The following UNC13C variants were observed in gnomAD, a reference collection of about 807,000 sequenced individuals.
UNC13C encodes the protein unc-13 homolog C, also known as protein unc-13 homolog C.
In UNC13C, 174 loss-of-function variants were observed where a neutral mutation model predicts 245.4. That is an observed-to-expected ratio of 0.71 (90% CI 0.63 to 0.80). The LOEUF (loss-of-function observed/expected upper bound fraction) is 0.80. Among genes scored for constraint, UNC13C ranks in the 30% least tolerant of loss-of-function variants. The pLI, the probability that UNC13C is intolerant of heterozygous loss-of-function variation, is 0.00. For missense variants in UNC13C, 2,829 were observed against 2,602.9 expected (o/e 1.09, Z -1.89); for synonymous variants, 992 against 895.1 (o/e 1.11, Z -1.93).
intron 19 of UNC13C, among the ~76,000 whole-genome samples, chr15:54,463,766 CA>C (rs1892012042): frequency 1.3e-5 from 2 of 152,084 alleles, no homozygotes. Flanking sequence ...ATTCCGGACA[CA>C]AAATGAAAAC....
At chr15:54,471,498 T>C (rs1195904869) in intron 19 of UNC13C, among the ~76,000 whole-genome samples, 1 of 151,600 alleles carries the variant, frequency 6.6e-6, no homozygotes, top group Admixed American at 6.6e-5. Flanking sequence ...TTGTCTGAAA[T>C]AAGTATAGAT....
intron 2 of UNC13C, among the ~76,000 whole-genome samples, chr15:54,093,809 T>C (rs1402032570): frequency 2.6e-5 from 4 of 152,180 alleles, no homozygotes; most frequent in Non-Finnish European, 5.9e-5. Flanking sequence ...CACCTGAAAA[T>C]ATGACAGCAT....
chr15:54,326,168 G>A (rs112195961), intron 14 of UNC13C, among the ~76,000 whole-genome samples: 2 of 152,008 alleles, frequency 1.3e-5, no homozygotes, highest in African/African-American at 4.8e-5. Context: ...GAAGTGAAAA[G>A]TTGGGGTAGT....
At chr15:54,413,705 A>C (rs1324451061) in intron 18 of UNC13C, among the ~76,000 whole-genome samples, 1 of 152,154 alleles carries the variant, frequency 6.6e-6, no homozygotes, top group Non-Finnish European at 1.5e-5. Context: ...ATTTTGATGA[A>C]AATATGGACT....
intron 30 of UNC13C, among the ~76,000 whole-genome samples, chr15:54,572,011 C>T (rs1035567316): frequency 1.3e-5 from 2 of 151,558 alleles, no homozygotes; most frequent in Admixed American, 1.3e-4. Context: ...TTTTTCTTTT[C>T]TCACCTCCTG....
chr15:54,473,203 T>A (rs1041821701), intron 19 of UNC13C, among the ~76,000 whole-genome samples: 1 of 133,246 alleles, frequency 7.5e-6, no homozygotes, highest in Admixed American at 8.1e-5. Context: ...TTTTATTGAT[T>A]ATTTATTTTA....
Position 54,013,243 on chromosome 15 carries a change from G to A in UNC13C, c.340G>A (p.Glu114Lys), listed in dbSNP as rs1265463980. Reference protein sequence around the residue: ...KNAKVTNSDNEDLLQELSSIE... With the variant: ...KNAKVTNSDNKDLLQELSSIE... ...TGCTAAAGTAACCAACAGTGATAAT[G>A]AGGATCTGCTTCAAGAGCTCTCTTC... The change falls in exon 2 of 33, where the codon GAG becomes AAG. Residue 114 changes from glutamate to lysine, a missense_variant. Physicochemically the swap from Glu to Lys is moderately conservative, Grantham distance 56 (BLOSUM62 1). Transcript: ENST00000260323. 15 of 1,613,580 alleles carry A rather than the reference G, an allele frequency of 9.3e-6. No homozygotes were observed. The highest frequency in any genetic ancestry group is 1.3e-5 in the Non-Finnish European group (15 of 1,179,800).
intron 2 of UNC13C, among the ~76,000 whole-genome samples, chr15:54,141,654 A>G (rs1000797057): frequency 6.6e-6 from 1 of 152,070 alleles, no homozygotes; most frequent in Non-Finnish European, 1.5e-5. Context: ...CATTATTTTA[A>G]ATGATGCTTT....
chr15:54,107,602 G>C lies in UNC13C; in HGVS notation c.2984-35416G>C, dbSNP rs1900510989. ...TAATTCAGCTTTGGAACCCAGCTGA[G>C]AACAGGAGAAGAAATGGACTTCAAT... On this transcript the variant is annotated intron_variant, in intron 2 of 32. Coordinates refer to ENST00000260323, the MANE Select transcript of UNC13C (RefSeq NM_001080534.3). Among the ~76,000 whole-genome samples the C allele has an allele frequency of 2.6e-5, 4 of 152,174 alleles. 1 individual carries two copies. In the South Asian group the frequency reaches 8.3e-4, roughly 32 times the overall value.
intron 19 of UNC13C, among the ~76,000 whole-genome samples, chr15:54,465,455 G>A (rs1396156127): frequency 1.3e-5 from 2 of 151,950 alleles, no homozygotes; most frequent in African/African-American, 4.8e-5. Flanking sequence ...TTATGGGGAA[G>A]GGTTAATAAG....
chr15:53,851,059 T>C, the UNC13C span, among the ~76,000 whole-genome samples: 1 of 152,078 alleles, frequency 6.6e-6, no homozygotes, highest in African/African-American at 2.4e-5. Context: ...TCTATTTCTC[T>C]TATTATTTAA....
chr15:53,935,184 C>G, the UNC13C span, among the ~76,000 whole-genome samples: 2 of 150,816 alleles, frequency 1.3e-5, no homozygotes, highest in Non-Finnish European at 3.0e-5. Flanking sequence ...TCAATGGTTT[C>G]TGATTTGAGG....
intron 10 of UNC13C, among the ~76,000 whole-genome samples, chr15:54,268,886 G>C (rs918216926): frequency 6.6e-6 from 1 of 151,756 alleles, no homozygotes; most frequent in Admixed American, 6.6e-5. Flanking sequence ...TTTCTCAAGG[G>C]GACCCCTGTG....
chr15:54,218,094 A>G (rs551419031), intron 4 of UNC13C, among the ~76,000 whole-genome samples: 1 of 152,090 alleles, frequency 6.6e-6, no homozygotes, highest in East Asian at 1.9e-4. Flanking sequence ...TTCCCTGTGA[A>G]CAAACAAAAT....
intron 23 of UNC13C, among the ~76,000 whole-genome samples, chr15:54,508,593 C>A (rs1212980629): frequency 2.0e-5 from 3 of 152,116 alleles, no homozygotes; most frequent in Admixed American, 2.0e-4. Flanking sequence ...TGCTTTTCTT[C>A]CATAATTACT....
At chr15:53,868,233 G>T in the UNC13C span, among the ~76,000 whole-genome samples, 1 of 152,194 alleles carries the variant, frequency 6.6e-6, no homozygotes, top group Non-Finnish European at 1.5e-5. Context: ...TTGCAGGCAG[G>T]CTGTTGGGAG....
chr15:54,261,740 T>C (rs892695021), intron 8 of UNC13C, among the ~76,000 whole-genome samples: 1 of 152,112 alleles, frequency 6.6e-6, no homozygotes, highest in African/African-American at 2.4e-5. Flanking sequence ...GAGACAGAGT[T>C]TCACCATGTT....
intron 29 of UNC13C, among the ~76,000 whole-genome samples, chr15:54,558,185 T>C (rs1196291570): frequency 6.6e-6 from 1 of 152,072 alleles, no homozygotes; most frequent in Non-Finnish European, 1.5e-5. Flanking sequence ...CACACCAGCA[T>C]GTCACATGTA....
At chr15:53,909,871 G>A in the UNC13C span, among the ~76,000 whole-genome samples, 1 of 146,768 alleles carries the variant, frequency 6.8e-6, no homozygotes, top group Admixed American at 7.0e-5. Flanking sequence ...CATTGTACAG[G>A]GAACCACTTG....
Sources: gnomAD v4.1 joint callset for allele counts (sites outside exome capture counted in the v4.1 genomes callset) on GRCh38, gnomAD v4.1.1 for gene constraint, MANE v1.5 for transcripts, NCBI Gene and HGNC (gene_info 2026-07-23, HGNC 2026-07-21) for gene names.